DNER: variants seen among roughly 807,000 people sequenced by gnomAD.
The protein encoded by DNER is delta/notch like EGF repeat containing, also known as delta and Notch-like epidermal growth factor-related receptor.
In DNER, 33 loss-of-function variants were observed where a neutral mutation model predicts 78.2. The observed-to-expected ratio is 0.42, with a 90% CI of 0.32 to 0.56. DNER has a LOEUF of 0.56. Ranked by LOEUF, DNER falls within the 20% of genes least tolerant of loss-of-function variation. DNER has a pLI of 0.11. For synonymous variants in DNER, 417 were observed against 384.8 expected (o/e 1.08, Z -0.98); for missense variants, 918 against 975.3 (o/e 0.94, Z 0.78).
intron 5 of DNER, among the ~76,000 whole-genome samples, chr2:229,529,779 A>G (rs1342513386): frequency 6.6e-6 from 1 of 152,248 alleles, no homozygotes; most frequent in African/African-American, 2.4e-5. Context: ...AAGCCAAGGC[A>G]GAAGAATTCC....
At chr2:229,472,723 T>C (rs553022535) in intron 7 of DNER, among the ~76,000 whole-genome samples, 6 of 152,362 alleles carry the variant, frequency 3.9e-5, no homozygotes, top group African/African-American at 1.2e-4. Context: ...TTGTCTTTGC[T>C]GTTATCATTC....
chr2:229,446,981 T>C (rs1374922387), intron 8 of DNER, among the ~76,000 whole-genome samples: 1 of 152,232 alleles, frequency 6.6e-6, no homozygotes, highest in Non-Finnish European at 1.5e-5. Flanking sequence ...AGTAAATTGA[T>C]AAAAATGCTT....
intron 6 of DNER, among the ~76,000 whole-genome samples, chr2:229,482,565 T>G (rs1165482731): frequency 1.3e-5 from 2 of 152,294 alleles, no homozygotes; most frequent in East Asian, 3.9e-4. Flanking sequence ...TCGCCAAGCT[T>G]CTGCTCATAG....
Position 229,371,230 on chromosome 2 carries a change from G to C in DNER, c.1856-4111C>G, listed in dbSNP as rs138302971. Among the ~76,000 whole-genome samples, 4 of 152,342 alleles carry C rather than the reference G, an allele frequency of 2.6e-5. No individual in the cohort carries two copies. In the East Asian group the frequency reaches 7.7e-4, roughly 29 times the overall value. On this transcript the variant is annotated intron_variant, in intron 11 of 12. Transcript: ENST00000341772. ...TCTGGCTAAGTCCAACGCTAGGTCT[G>C]AGAGACAGCAAATTTATCTATGCCA...
chr2:229,460,518 C>CT lies in DNER; in HGVS notation c.1262-12979dup, dbSNP rs570245683. Among the ~76,000 whole-genome samples, 80 of 151,952 alleles carry CT rather than the reference C, an allele frequency of 5.3e-4. 3 individuals carry two copies. Among genetic ancestry groups the CT allele is most frequent in the South Asian group, 2.5e-3 (12 of 4,804 alleles). On this transcript the variant is annotated intron_variant, in intron 7 of 12. Transcript: ENST00000341772. ...ACCTAAAGCCATATTTTCAGGAGAA[C>CT]TTTTTTTCATAAGGATGCACAAGGC...
At chr2:229,646,519 T>C (rs745881108) in intron 1 of DNER, among the ~76,000 whole-genome samples, 3 of 152,248 alleles carry the variant, frequency 2.0e-5, no homozygotes, top group Admixed American at 6.5e-5. Context: ...ACAGAACTTA[T>C]GGAGGAAAAG....
At chr2:229,622,355 C>G (rs975134243) in intron 1 of DNER, among the ~76,000 whole-genome samples, 2 of 152,158 alleles carry the variant, frequency 1.3e-5, no homozygotes, top group African/African-American at 4.8e-5. Context: ...CCTTTGACCC[C>G]CAAAGGCCAG....
chr2:229,471,884 C>A (rs1235255102), intron 7 of DNER, among the ~76,000 whole-genome samples: 1 of 152,212 alleles, frequency 6.6e-6, no homozygotes, highest in Non-Finnish European at 1.5e-5. Context: ...CAGTGTGACC[C>A]CAAACCACAT....
rs949179913 is a variant in DNER, at chr2:229,576,168, AT to A, written c.847+9689del. 1.1e-4 allele frequency among the ~76,000 whole-genome samples: 16 copies of A among 152,056 alleles called. No individual in the cohort carries two copies. The South Asian group carries it at 1.9e-3, about 18-fold the overall frequency. The stretch of plus-strand genomic sequence containing the variant: ...GACCATGAAAAGGTGAAATATTTGC[AT>A]TTTTTTTAAATCTTAAGTTTTCAGT... On this transcript the variant is annotated intron_variant, in intron 4 of 12. Transcript: ENST00000341772.
chr2:229,447,889 A>C (rs1159258333), intron 7 of DNER, among the ~76,000 whole-genome samples: 1 of 152,232 alleles, frequency 6.6e-6, no homozygotes, highest in Non-Finnish European at 1.5e-5. Flanking sequence ...TCCTAAAGGA[A>C]TATGGGATTT....
intron 7 of DNER, among the ~76,000 whole-genome samples, chr2:229,469,007 T>C (rs2396666): frequency 0.7 from 106,330 of 152,042 alleles, 37,439 homozygotes; most frequent in South Asian, 0.83. Context: ...CAGTGAGATT[T>C]GCACATTTAC....
At chr2:229,637,342 C>T (rs1698546509) in intron 1 of DNER, among the ~76,000 whole-genome samples, 1 of 152,142 alleles carries the variant, frequency 6.6e-6, no homozygotes, top group Non-Finnish European at 1.5e-5. Context: ...ATTAAATATG[C>T]TTTAGTCTTT....
intron 1 of DNER, among the ~76,000 whole-genome samples, chr2:229,657,935 A>C (rs1368811000): frequency 6.6e-6 from 1 of 152,140 alleles, no homozygotes; most frequent in Non-Finnish European, 1.5e-5. Context: ...TAAAAAAAAA[A>C]CTGGTTCTTC....
At chr2:229,471,694 T>C (rs1055547447) in intron 7 of DNER, among the ~76,000 whole-genome samples, 6 of 152,218 alleles carry the variant, frequency 3.9e-5, no homozygotes, top group African/African-American at 1.4e-4. Context: ...ACAATCATCA[T>C]AATAGCTAAC....
At chr2:229,451,388 C>A (rs942292587) in intron 7 of DNER, among the ~76,000 whole-genome samples, 1 of 152,110 alleles carries the variant, frequency 6.6e-6, no homozygotes, top group African/African-American at 2.4e-5. Flanking sequence ...ACCCAGGAGG[C>A]GGAGGATGCA....
intron 4 of DNER, among the ~76,000 whole-genome samples, chr2:229,576,944 A>G (rs1311747975): frequency 6.6e-6 from 1 of 152,180 alleles, no homozygotes; most frequent in African/African-American, 2.4e-5. Flanking sequence ...AGAAGAGGGC[A>G]TGGTCCAAGG....
At chr2:229,504,054 T>C (rs373498481) in intron 6 of DNER, among the ~76,000 whole-genome samples, 17 of 151,472 alleles carry the variant, frequency 1.1e-4, no homozygotes, top group African/African-American at 4.1e-4. Flanking sequence ...GAGTTGTGTA[T>C]TCTTTTGATG....
At chr2:229,479,757 A>G (rs933677879) in intron 6 of DNER, among the ~76,000 whole-genome samples, 1 of 151,954 alleles carries the variant, frequency 6.6e-6, no homozygotes, top group Admixed American at 6.6e-5. Context: ...ATAAATATTC[A>G]TCCATAACTT....
chr2:229,615,392 C>A (rs1452881175), intron 1 of DNER, among the ~76,000 whole-genome samples: 1 of 128,744 alleles, frequency 7.8e-6, no homozygotes, highest in African/African-American at 3.0e-5. Flanking sequence ...GCCTGAGCCA[C>A]AAGAGCAAAA....
Sources: allele counts gnomAD v4.1 joint callset (sites outside exome capture counted in the v4.1 genomes callset), GRCh38; gene constraint gnomAD v4.1.1; transcripts MANE v1.5; gene names NCBI Gene and HGNC (gene_info 2026-07-23, HGNC 2026-07-21).